The following SHROOM3 variants were observed in gnomAD, a reference collection of about 807,000 sequenced individuals.
SHROOM3 encodes shroom family member 3.
SHROOM3 carries 47 observed loss-of-function variants against 138.6 expected under a neutral mutation model. The ratio of observed to expected loss-of-function variants is 0.34; its 90% CI spans 0.27 to 0.43. The LOEUF (loss-of-function observed/expected upper bound fraction) is 0.43. Among genes scored for constraint, SHROOM3 ranks in the 20% least tolerant of loss-of-function variants. The pLI is 1.00. For missense variants in SHROOM3, 2,491 were observed against 2,596.5 expected (o/e 0.96, Z 0.88); for synonymous variants, 1,062 against 1,063.3 (o/e 1.00, Z 0.02).
At chr4:76,625,825 C>G (rs1248403101) in intron 2 of SHROOM3, among the ~76,000 whole-genome samples, 1 of 152,226 alleles carries the variant, frequency 6.6e-6, no homozygotes, top group Non-Finnish European at 1.5e-5. Flanking sequence ...TTAAACTTCT[C>G]TCTTCCTTTT....
At chr4:76,757,589 C>T (rs1407118261) in intron 8 of SHROOM3, among the ~76,000 whole-genome samples, 1 of 152,174 alleles carries the variant, frequency 6.6e-6, no homozygotes, top group Non-Finnish European at 1.5e-5. Context: ...ACTACACTGA[C>T]CCTTACCTCT....
chr4:76,480,541 A>C (rs1343132653), intron 1 of SHROOM3, among the ~76,000 whole-genome samples: 1 of 152,180 alleles, frequency 6.6e-6, no homozygotes, highest in Non-Finnish European at 1.5e-5. Flanking sequence ...TAATAGTGGG[A>C]GACTTTAACA....
At chr4:76,438,742 G>A (rs958013990) in intron 1 of SHROOM3, among the ~76,000 whole-genome samples, 6 of 147,788 alleles carry the variant, frequency 4.1e-5, no homozygotes, top group African/African-American at 1.2e-4. Flanking sequence ...TTAGGGCAGG[G>A]ACTATTTTTT....
At chr4:76,437,063 G>A (rs968049735) in intron 1 of SHROOM3, among the ~76,000 whole-genome samples, 5 of 152,132 alleles carry the variant, frequency 3.3e-5, no homozygotes, top group African/African-American at 1.2e-4. Context: ...AATATGGATT[G>A]CATTTGAGCT....
chr4:76,707,143 T>A (rs1335792930), intron 2 of SHROOM3, among the ~76,000 whole-genome samples: 1 of 152,238 alleles, frequency 6.6e-6, no homozygotes, highest in Non-Finnish European at 1.5e-5. Context: ...AAAAATGGGC[T>A]TATTTGGTAA....
intron 10 of SHROOM3, among the ~76,000 whole-genome samples, chr4:76,775,358 TACC>T (rs1318460200): frequency 7.0e-6 from 1 of 142,900 alleles, no homozygotes; most frequent in Non-Finnish European, 1.5e-5. Flanking sequence ...CACAATGTGA[TACC>T]ACCTTACTCC....
chr4:76,628,559 C>T (rs1199447663), intron 2 of SHROOM3, among the ~76,000 whole-genome samples: 1 of 152,166 alleles, frequency 6.6e-6, no homozygotes, highest in African/African-American at 2.4e-5. Context: ...TCCTTTACTT[C>T]ACTCAACAAA....
At chr4:76,556,896 A>C (rs1282476526) in intron 2 of SHROOM3, among the ~76,000 whole-genome samples, 2 of 152,130 alleles carry the variant, frequency 1.3e-5, no homozygotes, top group East Asian at 3.9e-4. Flanking sequence ...CTGTGTCTCC[A>C]GGCTCTAGTG....
chr4:76,558,430 A>G (rs1560545386), intron 2 of SHROOM3, among the ~76,000 whole-genome samples: 2 of 152,238 alleles, frequency 1.3e-5, no homozygotes, highest in African/African-American at 4.8e-5. Context: ...GGATTAGGCT[A>G]GAGAGATGTG....
chr4:76,694,961 A>G (rs1442320642), intron 2 of SHROOM3, among the ~76,000 whole-genome samples: 1 of 152,216 alleles, frequency 6.6e-6, no homozygotes, highest in Non-Finnish European at 1.5e-5. Context: ...AGTACCCAAT[A>G]CCATCCTGTC....
intron 10 of SHROOM3, among the ~76,000 whole-genome samples, chr4:76,774,594 A>G (rs1258504003): frequency 6.6e-6 from 1 of 151,834 alleles, no homozygotes; most frequent in East Asian, 1.9e-4. Flanking sequence ...TGTCTAAAAT[A>G]TTTTATATAT....
At chr4:76,606,002 T>C (rs1734609600) in intron 2 of SHROOM3, among the ~76,000 whole-genome samples, 1 of 111,150 alleles carries the variant, frequency 9.0e-6, no homozygotes, top group Non-Finnish European at 1.8e-5. Context: ...TATATATATA[T>C]ATATATTTTT....
intron 1 of SHROOM3, among the ~76,000 whole-genome samples, chr4:76,513,441 G>A (rs534046004): frequency 8.9e-4 from 135 of 152,146 alleles, no homozygotes; most frequent in African/African-American, 3.1e-3. Flanking sequence ...AGCCTCCCGC[G>A]TAGCTGGGAC....
At chr4:76,494,463 C>A (rs1731923226) in intron 1 of SHROOM3, among the ~76,000 whole-genome samples, 2 of 152,322 alleles carry the variant, frequency 1.3e-5, no homozygotes, top group Admixed American at 6.5e-5. Context: ...GGTAACCATG[C>A]TTTCCCATGA....
At chr4:76,581,064 A>G (rs1414023864) in intron 2 of SHROOM3, among the ~76,000 whole-genome samples, 4 of 152,166 alleles carry the variant, frequency 2.6e-5, no homozygotes, top group East Asian at 3.9e-4. Flanking sequence ...GTGTTCCACA[A>G]TGATTTTTCT....
intron 2 of SHROOM3, among the ~76,000 whole-genome samples, chr4:76,693,370 GTTTTTTTTT>G (rs10648549): frequency 6.3e-5 from 5 of 79,810 alleles, no homozygotes; most frequent in South Asian, 1.0e-3. Flanking sequence ...TGATAAGTTT[GTTTTTTTTT>G]TTTTTTTTTT....
intron 2 of SHROOM3, among the ~76,000 whole-genome samples, chr4:76,681,051 G>A (rs994936955): frequency 4.6e-5 from 7 of 152,216 alleles, no homozygotes; most frequent in African/African-American, 1.7e-4. Flanking sequence ...AGATCTTGAA[G>A]ATGGCCTAAA....
At position 76,741,245 on chromosome 4, in the gene SHROOM3, G is replaced by A. The variant is rs771658464; in HGVS notation, c.3072G>A (p.Glu1024=). ...AGAAGCGCTCCTACTCGGAGCCCGAGAAGATGAACGAGGTGGGGATCGTGG... is the reference window on the plus strand; with the variant it reads ...AGAAGCGCTCCTACTCGGAGCCCGAAAAGATGAACGAGGTGGGGATCGTGG... ...EQKKRSYSEP[E]KMNEVGIVEE... is the part of the protein sequence containing the mutation. The change falls in exon 5 of 11, where the codon GAG becomes GAA. Residue 1024 remains glutamate, a synonymous_variant. Coordinates refer to ENST00000296043, the MANE Select transcript of SHROOM3 (RefSeq NM_020859.4). The surrounding 1 kb of genome is among the most constrained non-coding windows in gnomAD (Gnocchi z 6.2). 3 of 1,611,846 alleles carry A rather than the reference G, an allele frequency of 1.9e-6. No homozygotes were observed. The South Asian group carries it at 3.3e-5, about 18-fold the overall frequency.
intron 2 of SHROOM3, among the ~76,000 whole-genome samples, chr4:76,674,221 C>T (rs1306736482): frequency 1.3e-5 from 2 of 152,104 alleles, no homozygotes; most frequent in Non-Finnish European, 2.9e-5. Context: ...TTTTCTGATT[C>T]TGTATAATGT....
Sources: gnomAD v4.1 joint callset for allele counts (sites outside exome capture counted in the v4.1 genomes callset) on GRCh38, gnomAD v4.1.1 for gene constraint, Gnocchi (gnomAD v3.1) non-coding constraint, MANE v1.5 for transcripts, NCBI Gene and HGNC (gene_info 2026-07-23, HGNC 2026-07-21) for gene names.